Variants in CTNNA3 observed in about 807,000 individuals in gnomAD.
CTNNA3 encodes the protein catenin alpha-3.
CTNNA3 carries 76 observed loss-of-function variants against 95.7 expected under a neutral mutation model. That is an observed-to-expected ratio of 0.79 (90% CI 0.66 to 0.96). The LOEUF (loss-of-function observed/expected upper bound fraction) is 0.96. Ranked by LOEUF, CTNNA3 falls within the 40% of genes least tolerant of loss-of-function variation. The pLI, the probability that CTNNA3 is intolerant of heterozygous loss-of-function variation, is 0.00. For missense variants in CTNNA3, 1,191 were observed against 1,089.8 expected (o/e 1.09, Z -1.31); for synonymous variants, 431 against 374.4 (o/e 1.15, Z -1.74).
intron 3 of CTNNA3, among the ~76,000 whole-genome samples, chr10:67,559,789 T>C (rs1460839745): frequency 1.3e-5 from 2 of 151,986 alleles, no homozygotes; most frequent in East Asian, 3.9e-4. Flanking sequence ...GAGAAGTGCT[T>C]AAAGGAGCTA....
intron 1 of CTNNA3, among the ~76,000 whole-genome samples, chr10:67,726,623 AT>A (rs1841228753): frequency 2.7e-4 from 2 of 7,430 alleles, no homozygotes; most frequent in Non-Finnish European, 4.6e-4. Flanking sequence ...TATATAATAT[AT>A]ATTATATTAT....
At chr10:66,647,777 C>T (rs573402591) in intron 9 of CTNNA3, among the ~76,000 whole-genome samples, 63 of 152,038 alleles carry the variant, frequency 4.1e-4, no homozygotes, top group Middle Eastern at 3.4e-3. Flanking sequence ...CCTTGGTCTC[C>T]CCAAGTACTG....
intron 11 of CTNNA3, among the ~76,000 whole-genome samples, chr10:66,487,949 C>T (rs1839796264): frequency 6.6e-6 from 1 of 152,072 alleles, no homozygotes; most frequent in Non-Finnish European, 1.5e-5. Flanking sequence ...AGGTAAGTGC[C>T]GTAAACCAAC....
chr10:66,064,956 T>C (rs1420670407), intron 15 of CTNNA3, among the ~76,000 whole-genome samples: 2 of 152,166 alleles, frequency 1.3e-5, no homozygotes, highest in African/African-American at 4.8e-5. Flanking sequence ...TTATAAATTC[T>C]GGGTATAAAA....
chr10:66,348,603 A>G (rs2092543037), intron 12 of CTNNA3, among the ~76,000 whole-genome samples: 1 of 152,106 alleles, frequency 6.6e-6, no homozygotes, highest in African/African-American at 2.4e-5. Flanking sequence ...TGTGGTTTCA[A>G]GTTGAGAAAG....
intron 7 of CTNNA3, among the ~76,000 whole-genome samples, chr10:67,037,298 T>C (rs1042020768): frequency 3.9e-5 from 6 of 151,972 alleles, no homozygotes; most frequent in African/African-American, 1.4e-4. Context: ...CTTTCTCTTC[T>C]TTCATGTACT....
At chr10:66,029,414 G>A (rs2133451987) in intron 15 of CTNNA3, among the ~76,000 whole-genome samples, 1 of 151,894 alleles carries the variant, frequency 6.6e-6, no homozygotes, top group South Asian at 2.1e-4. Flanking sequence ...TCAAAGATCA[G>A]GTACACTTCC....
chr10:66,097,804 C>T (rs917403929), intron 14 of CTNNA3, among the ~76,000 whole-genome samples: 1 of 152,098 alleles, frequency 6.6e-6, no homozygotes, highest in Non-Finnish European at 1.5e-5. Flanking sequence ...ACTGCTGCCC[C>T]TATTGCAGAA....
chr10:67,062,988 C>T (rs759272486), intron 7 of CTNNA3, among the ~76,000 whole-genome samples: 3 of 151,582 alleles, frequency 2.0e-5, no homozygotes, highest in Admixed American at 6.6e-5. Flanking sequence ...TTTTTCTGAT[C>T]GTTGTCTTTT....
intron 10 of CTNNA3, among the ~76,000 whole-genome samples, chr10:66,616,686 C>T (rs747715301): frequency 3.9e-5 from 6 of 152,032 alleles, no homozygotes; most frequent in Admixed American, 1.3e-4. Context: ...CTGAAACCTA[C>T]GTGAATTCAA....
intron 15 of CTNNA3, among the ~76,000 whole-genome samples, chr10:66,043,956 C>CTGTGTGTGTGTGTGTG (rs59559225): frequency 3.5e-5 from 5 of 144,380 alleles, no homozygotes; most frequent in Non-Finnish European, 7.6e-5. Context: ...TAGGACTATG[C>CTGTGTGTGTGTGTGTG]TGTGTGTGTG....
At chr10:65,984,321 T>A (rs2078381771) in intron 16 of CTNNA3, among the ~76,000 whole-genome samples, 1 of 151,388 alleles carries the variant, frequency 6.6e-6, no homozygotes, top group Non-Finnish European at 1.5e-5. Context: ...CCAATAATAA[T>A]GTCAGAAGCA....
intron 7 of CTNNA3, among the ~76,000 whole-genome samples, chr10:67,067,781 T>G (rs772729887): frequency 1.3e-5 from 2 of 152,232 alleles, no homozygotes; most frequent in African/African-American, 2.4e-5. Flanking sequence ...ATTCATTCAA[T>G]CTGGGCACAC....
intron 13 of CTNNA3, among the ~76,000 whole-genome samples, chr10:66,190,361 A>G (rs1056009767): frequency 5.9e-5 from 9 of 152,158 alleles, no homozygotes; most frequent in Admixed American, 4.6e-4. Flanking sequence ...TAGTTGACAT[A>G]TAATTCAACT....
intron 15 of CTNNA3, among the ~76,000 whole-genome samples, chr10:66,059,107 A>G (rs2080143515): frequency 6.6e-6 from 1 of 152,110 alleles, no homozygotes; most frequent in Non-Finnish European, 1.5e-5. Flanking sequence ...TTATCATACC[A>G]TAATTTATTT....
intron 2 of CTNNA3, among the ~76,000 whole-genome samples, chr10:67,645,703 T>C (rs3125317): frequency 0.035 from 5,375 of 151,954 alleles, 93 homozygotes; most frequent in Middle Eastern, 0.078. Flanking sequence ...ACAAAGATGT[T>C]CAGCAGAGCA....
intron 14 of CTNNA3, among the ~76,000 whole-genome samples, chr10:66,089,533 C>T: frequency 6.6e-6 from 1 of 151,704 alleles, no homozygotes; most frequent in Admixed American, 6.6e-5. Context: ...TCTGGTTCGC[C>T]TTTACCTTAG....
intron 5 of CTNNA3, among the ~76,000 whole-genome samples, chr10:67,325,211 C>T (rs1374721614): frequency 1.3e-5 from 2 of 151,446 alleles, no homozygotes; most frequent in Non-Finnish European, 3.0e-5. Context: ...TCTTTAAATG[C>T]TTTCTCGTGT....
chr10:65,939,312 G>C (rs1223320090), intron 17 of CTNNA3, among the ~76,000 whole-genome samples: 1 of 152,104 alleles, frequency 6.6e-6, no homozygotes, highest in East Asian at 1.9e-4. Context: ...AAATTTCTTT[G>C]TGCAGTATGC....
Sources: gnomAD v4.1 joint callset for allele counts (sites outside exome capture counted in the v4.1 genomes callset) on GRCh38, gnomAD v4.1.1 for gene constraint, MANE v1.5 for transcripts, NCBI Gene and HGNC (gene_info 2026-07-23, HGNC 2026-07-21) for gene names.